Variants in WDR27 observed in about 807,000 individuals in gnomAD.
WDR27 encodes WD repeat-containing protein 27.
WDR27 carries 100 observed loss-of-function variants against 114.4 expected under a neutral mutation model. That is an observed-to-expected ratio of 0.87 (90% CI 0.74 to 1.03). The LOEUF is 1.03. WDR27 is among the 50% of genes least tolerant of loss of function. The pLI, the probability that WDR27 is intolerant of heterozygous loss-of-function variation, is 0.00. For missense variants in WDR27, 1,129 were observed against 1,092.9 expected, an observed-to-expected ratio of 1.03 and a Z score of -0.47; for synonymous variants, 449 against 423.1, an observed-to-expected ratio of 1.06 and a Z score of -0.75.
intron 2 of WDR27, among the ~76,000 whole-genome samples, chr6:169,685,282 A>C (rs1352268448): frequency 2.0e-5 from 3 of 151,948 alleles, no homozygotes; most frequent in African/African-American, 7.2e-5. Flanking sequence ...AAAAAAAGCC[A>C]AAAACAAACA....
chr6:169,616,052 A>G (rs867721420), intron 21 of WDR27, among the ~76,000 whole-genome samples: 31 of 152,284 alleles, frequency 2.0e-4, no homozygotes, highest in African/African-American at 7.5e-4. Flanking sequence ...AAAAACAGAT[A>G]TAAGGTAAAG....
At chr6:169,466,576 G>A (rs1442759426) in intron 25 of WDR27, among the ~76,000 whole-genome samples, 1 of 152,108 alleles carries the variant, frequency 6.6e-6, no homozygotes, top group African/African-American at 2.4e-5. Flanking sequence ...CACAACATGT[G>A]GGGATTATGG....
intron 18 of WDR27, among the ~76,000 whole-genome samples, chr6:169,637,903 CGT>C (rs1470269868): frequency 6.6e-6 from 1 of 150,526 alleles, no homozygotes; most frequent in Non-Finnish European, 1.5e-5. Context: ...CATCTATATG[CGT>C]GTGCCTCTTA....
At chr6:169,645,850 C>G (rs1820605414) in intron 16 of WDR27, among the ~76,000 whole-genome samples, 3 of 149,950 alleles carry the variant, frequency 2.0e-5, no homozygotes, top group South Asian at 4.2e-4. Context: ...TTCACAGGGT[C>G]ACACTGTAGA....
Position 169,658,310 on chromosome 6 carries a change from C to G in WDR27, c.1368G>C (p.Glu456Asp), listed in dbSNP as rs373742623. The change falls in exon 13 of 26, where the codon GAG becomes GAC. Residue 456 changes from glutamate to aspartate, a missense_variant. Transcript: ENST00000448612. The part of the protein sequence containing the change: ...TSPLYLGIAK[E>D]KSTKAASEQR... ...GTTCACTAGCAGCCTTGGTACTCTT[C>G]TCCTTGGCAATTCCCAGATACAGTG... 1.1e-4 allele frequency: 184 copies of G among 1,602,100 alleles called. 2 individuals are homozygous for G. The African/African-American group carries it at 2.0e-3, about 18-fold the overall frequency.
chr6:169,644,408 G>A (rs1319499469), intron 16 of WDR27, among the ~76,000 whole-genome samples: 4 of 151,208 alleles, frequency 2.6e-5, no homozygotes, highest in African/African-American at 7.3e-5. Flanking sequence ...TCACACTGTC[G>A]AAAATCCTAG....
intron 20 of WDR27, among the ~76,000 whole-genome samples, chr6:169,633,547 C>T (rs1401074137): frequency 2.0e-5 from 3 of 152,200 alleles, no homozygotes; most frequent in Admixed American, 6.5e-5. Flanking sequence ...CCGTGACGTG[C>T]TTCATAAACT....
chr6:169,512,949 C>T (rs6929677), intron 25 of WDR27, among the ~76,000 whole-genome samples: 9,574 of 152,188 alleles, frequency 0.063, 839 homozygotes, highest in African/African-American at 0.2. Context: ...CTAAAGGAGA[C>T]GGACACTGCT....
chr6:169,689,834 C>T lies in WDR27; in HGVS notation c.-7-822G>A, dbSNP rs555143149. Among the ~76,000 whole-genome samples the T allele has an allele frequency of 2.2e-4, 34 of 152,362 alleles. No individual in the cohort carries two copies. In the East Asian group the frequency reaches 6.6e-3, roughly 29 times the overall value. On this transcript the variant is annotated intron_variant, in intron 1 of 25. Coordinates refer to ENST00000448612, the MANE Select transcript of WDR27 (RefSeq NM_182552.5). ...CACCCAAATATCCAGTGGGGTCATG[C>T]ACGCTGTAGGTATTCAAAGGCCCAC...
chr6:169,531,944 G>A (rs1003850352), intron 25 of WDR27, among the ~76,000 whole-genome samples: 1 of 152,164 alleles, frequency 6.6e-6, no homozygotes, highest in Non-Finnish European at 1.5e-5. Flanking sequence ...TAACCAGTGT[G>A]ATGTGTTAAT....
At position 169,684,548 on chromosome 6, in the gene WDR27, C is replaced by T. The variant is rs1210498097; in HGVS notation, c.189+4269G>A. Among the ~76,000 whole-genome samples, 1 of 152,154 alleles carries T rather than the reference C, an allele frequency of 6.6e-6. No individual in the cohort carries two copies. Among genetic ancestry groups the T allele is most frequent in the South Asian group, 2.1e-4 (1 of 4,830 alleles). ...ACCAAGCGGGCTGAGCAGCCCTGTT[C>T]CCATGTCCTGGGCCTATAGTAGCCC... On this transcript the variant is annotated intron_variant, in intron 2 of 25. Transcript: ENST00000448612. This position sits in a 1 kb window ranked among gnomAD's most constrained non-coding sequence, Gnocchi z 4.3.
chr6:169,621,872 ACACT>A (rs1264139918), intron 21 of WDR27, among the ~76,000 whole-genome samples: 1 of 152,242 alleles, frequency 6.6e-6, no homozygotes, highest in Non-Finnish European at 1.5e-5. Flanking sequence ...ACATATGAAC[ACACT>A]CAGGCATTCA....
chr6:169,483,940 T>C (rs551147263), intron 25 of WDR27, among the ~76,000 whole-genome samples: 41 of 152,172 alleles, frequency 2.7e-4, no homozygotes, highest in Admixed American at 2.4e-3. Context: ...ATTATCTCAA[T>C]AGATGCCAAA....
rs567579119 is a variant in WDR27 at position 169,505,103 on chromosome 6, A to G, written c.2646-47469T>C. Among the ~76,000 whole-genome samples, 3 of 152,226 alleles carry G rather than the reference A, an allele frequency of 2.0e-5. No homozygotes were observed. The East Asian group carries it at 5.8e-4, about 29-fold the overall frequency. ...ATTAATAAGTGATATGCAGTATTCT[A>G]TATGAAAAATGCTACACCTAAGTAA... On this transcript the variant is annotated intron_variant, in intron 25 of 25. Transcript: ENST00000448612.
At chr6:169,505,922 G>T (rs981583584) in intron 25 of WDR27, among the ~76,000 whole-genome samples, 2 of 152,124 alleles carry the variant, frequency 1.3e-5, no homozygotes, top group Non-Finnish European at 2.9e-5. Context: ...GCCACACTTC[G>T]GACACACTGC....
chr6:169,524,661 G>T (rs1335183136), intron 25 of WDR27, among the ~76,000 whole-genome samples: 1 of 152,142 alleles, frequency 6.6e-6, no homozygotes, highest in African/African-American at 2.4e-5. Flanking sequence ...GACAAAGGCA[G>T]CAAAAAGTTG....
intron 22 of WDR27, among the ~76,000 whole-genome samples, chr6:169,606,992 A>G (rs1463005055): frequency 1.3e-5 from 2 of 152,192 alleles, no homozygotes; most frequent in Non-Finnish European, 2.9e-5. Flanking sequence ...AAAAATGCTC[A>G]ACATCACTAA....
intron 25 of WDR27, among the ~76,000 whole-genome samples, chr6:169,525,408 C>T (rs1030610635): frequency 1.3e-5 from 2 of 151,448 alleles, no homozygotes; most frequent in Non-Finnish European, 1.5e-5. Context: ...TGGTGGTGGG[C>T]GCCTGTAGTC....
At chr6:169,558,589 A>G (rs1237215415) in intron 25 of WDR27, 2 of 152,132 alleles carry the variant, frequency 1.3e-5, no homozygotes, top group Non-Finnish European at 2.9e-5. Context: ...CCTCCAGGCA[A>G]CAGGATGACG....
Sources: gnomAD v4.1 joint callset for allele counts (sites outside exome capture counted in the v4.1 genomes callset) on GRCh38, gnomAD v4.1.1 for gene constraint, Gnocchi (gnomAD v3.1) non-coding constraint, MANE v1.5 for transcripts, NCBI Gene and HGNC (gene_info 2026-07-23, HGNC 2026-07-21) for gene names.